KCNQ1: variants seen among roughly 807,000 people sequenced by gnomAD.
The protein encoded by KCNQ1 is potassium voltage-gated channel subfamily KQT member 1.
Under a neutral mutation model 72.4 loss-of-function variants are expected in KCNQ1, and 49 were observed. The observed-to-expected ratio is 0.68, with a 90% CI of 0.54 to 0.86. KCNQ1 has a LOEUF of 0.86. Among genes scored for constraint, KCNQ1 ranks in the 40% least tolerant of loss-of-function variants. KCNQ1 has a pLI of 0.00. For missense variants in KCNQ1, 790 were observed against 945.1 expected (o/e 0.84, Z 2.15); for synonymous variants, 450 against 412.6 (o/e 1.09, Z -1.10).
intron 2 of KCNQ1, among the ~76,000 whole-genome samples, chr11:2,568,539 C>T (rs1050500344): frequency 2.2e-4 from 34 of 152,322 alleles, no homozygotes; most frequent in African/African-American, 6.7e-4. Flanking sequence ...TGTCCAGGCC[C>T]GGTCTCCCTA....
Position 2,768,615 on chromosome 11 carries a change from C to A in KCNQ1, c.1515-229C>A, listed in dbSNP as rs138704705. Among the ~76,000 whole-genome samples, 12 of 152,320 alleles carry A rather than the reference C, an allele frequency of 7.9e-5. No individual in the cohort carries two copies. Among genetic ancestry groups the A allele is most frequent in the African/African-American group, 2.9e-4 (12 of 41,562 alleles). On this transcript the variant is annotated intron_variant, in intron 11 of 15. Transcript: ENST00000155840. The surrounding 1 kb of genome is among the most constrained non-coding windows in gnomAD (Gnocchi z 6.7). The stretch of plus-strand genomic sequence containing the variant: ...TGACACTCAAGGTAAGGGTCCCCTT[C>A]CCACTCACAGATGAGGTGAAACATT...
chr11:2,733,599 C>G (rs1433021329), intron 11 of KCNQ1, among the ~76,000 whole-genome samples: 1 of 151,994 alleles, frequency 6.6e-6, no homozygotes, highest in East Asian at 1.9e-4. Flanking sequence ...CCTAGGGAGA[C>G]AGTCGGGCAC....
In KCNQ1 at chr11:2,446,024, G is replaced by C. The variant is rs1333177986; in HGVS notation, c.386+540G>C. 6.7e-6 allele frequency among the ~76,000 whole-genome samples: 1 copy of C among 149,596 alleles called. No homozygotes were observed. The highest frequency in any genetic ancestry group is 1.5e-5 in the Non-Finnish European group (1 of 67,998). ...CAGCATGCCACGGGCCGTCCCCACG[G>C]GCCCCACATTAACTAATTGAACCAA... On this transcript the variant is annotated intron_variant, in intron 1 of 15. Transcript: ENST00000155840. The surrounding 1 kb of genome is among the most constrained non-coding windows in gnomAD (Gnocchi z 8.8).
In KCNQ1 at chr11:2,670,231, G is replaced by T; in HGVS notation, c.1514+8150G>T. The T allele has an allele frequency of 2.5e-6, 1 of 398,560 alleles. No individual in the cohort carries two copies. The highest frequency in any genetic ancestry group is 1.3e-4 in the South Asian group (1 of 7,820). The allele number at this position is 398,560 out of a possible 1,614,324, so 24.7% of individuals were successfully genotyped here. On this transcript the variant is annotated intron_variant, in intron 11 of 15. Transcript: ENST00000155840. This position sits in a 1 kb window ranked among gnomAD's most constrained non-coding sequence, Gnocchi z 4.9. Reference sequence around the variant, plus strand: ...CGAGCTGTGTAGCTCACCTGCCTTTGACCCTGCACATGACGGGCGAGGGAA... The same window carrying T: ...CGAGCTGTGTAGCTCACCTGCCTTTTACCCTGCACATGACGGGCGAGGGAA...
intron 1 of KCNQ1, among the ~76,000 whole-genome samples, chr11:2,506,308 C>A (rs1212890220): frequency 2.6e-5 from 4 of 152,160 alleles, no homozygotes; most frequent in Non-Finnish European, 5.9e-5. Context: ...AAAGACTATA[C>A]GTGAACTTTT....
rs1386849278 is a variant in KCNQ1, at chr11:2,642,258, TG to T, written c.1394-19702del. ...ATTCTCCCAATCCATGAGAATGGGA[TG>T]TTTTTTGTGTGTTCTTTTCAATTTC... is the stretch of plus-strand genomic sequence containing the variant. On this transcript the variant is annotated intron_variant, in intron 10 of 15. Coordinates refer to ENST00000155840, the MANE Select transcript of KCNQ1 (RefSeq NM_000218.3). This position sits in a 1 kb window ranked among gnomAD's most constrained non-coding sequence, Gnocchi z 4.3. 5.0e-6 allele frequency: 2 copies of T among 398,282 alleles called. No individual in the cohort carries two copies. The highest frequency in any genetic ancestry group is 1.3e-4 in the South Asian group (1 of 7,864). The allele number at this position is 398,282 out of a possible 1,614,324, so 24.7% of individuals were successfully genotyped here. A position where few individuals can be genotyped will look rare whatever the true frequency, so the allele number is the denominator to read the frequency against.
chr11:2,458,366 A>G lies in KCNQ1; in HGVS notation c.386+12882A>G, dbSNP rs1372605295. On this transcript the variant is annotated intron_variant, in intron 1 of 15. Coordinates refer to ENST00000155840, the MANE Select transcript of KCNQ1 (RefSeq NM_000218.3). The surrounding 1 kb of genome is among the most constrained non-coding windows in gnomAD (Gnocchi z 4.6). ...CCGCTCATGATGTTGAATCCTGGCA[A>G]GCAAACGGAGAGAATCTGACATGTG... Among the ~76,000 whole-genome samples the G allele has an allele frequency of 6.6e-6, 1 of 152,232 alleles. No homozygotes were observed. The highest frequency in any genetic ancestry group is 1.5e-5 in the Non-Finnish European group (1 of 68,046).
intron 15 of KCNQ1, among the ~76,000 whole-genome samples, chr11:2,779,996 C>A (rs1197092393): frequency 6.6e-6 from 1 of 152,246 alleles, no homozygotes; most frequent in Non-Finnish European, 1.5e-5. Context: ...TGAGCCGGGG[C>A]CACGAGGATT....
chr11:2,635,803 C>T (rs1255137019), intron 10 of KCNQ1: 1 of 152,086 alleles, frequency 6.6e-6, no homozygotes, highest in Non-Finnish European at 1.5e-5. Flanking sequence ...TACTGATTCT[C>T]CCTATCCATG....
In KCNQ1 at chr11:2,463,976, T is replaced by C. The variant is rs1846315867; in HGVS notation, c.386+18492T>C. On this transcript the variant is annotated intron_variant, in intron 1 of 15. Transcript: ENST00000155840. The surrounding 1 kb of genome is among the most constrained non-coding windows in gnomAD (Gnocchi z 7.0). ...CTCACTGTCGGCAGTTGGGTCTGGT[T>C]TGATAACCGTGGACCGGGGTGACAG... Among the ~76,000 whole-genome samples, 2 of 152,170 alleles carry C rather than the reference T, an allele frequency of 1.3e-5. No individual in the cohort carries two copies. Among genetic ancestry groups the C allele is most frequent in the Admixed American group, 1.3e-4 (2 of 15,284 alleles).
rs1846454806 is a variant in KCNQ1, at chr11:2,764,078, T to C, written c.1515-4766T>C. Among the ~76,000 whole-genome samples, 1 of 152,188 alleles carries C rather than the reference T, an allele frequency of 6.6e-6. No homozygotes were observed. Among genetic ancestry groups the C allele is most frequent in the East Asian group, 1.9e-4 (1 of 5,194 alleles). On this transcript the variant is annotated intron_variant, in intron 11 of 15. Transcript: ENST00000155840. The surrounding 1 kb of genome is among the most constrained non-coding windows in gnomAD (Gnocchi z 4.8). The stretch of plus-strand genomic sequence containing the variant: ...ATACCAGCTGGGACTTTCTGGACAA[T>C]GTGAAATAGAAACGATAACATCCTT...
In KCNQ1 at chr11:2,691,404, T is replaced by TGG. The variant is rs1321029592; in HGVS notation, c.1514+29324_1514+29325insGG. On this transcript the variant is annotated intron_variant, in intron 11 of 15. Coordinates refer to ENST00000155840, the MANE Select transcript of KCNQ1 (RefSeq NM_000218.3). The surrounding 1 kb of genome is among the most constrained non-coding windows in gnomAD (Gnocchi z 6.4). ...GGTCTGGGCATAGAAGCCCAGGAACTGCTGTCTGTGGGGAGTCCACTGAAG... is the reference window on the plus strand; with the variant it reads ...GGTCTGGGCATAGAAGCCCAGGAACTGGGCTGTCTGTGGGGAGTCCACTGAAG... 7.5e-6 allele frequency: 3 copies of TGG among 398,542 alleles called. No individual in the cohort carries two copies. The highest frequency in any genetic ancestry group is 1.3e-5 in the Non-Finnish European group (3 of 226,084). The allele number at this position is 398,542 out of a possible 1,614,324, so 24.7% of individuals were successfully genotyped here. A position where few individuals can be genotyped will look rare whatever the true frequency, so the allele number is the denominator to read the frequency against.
Position 2,445,115 on chromosome 11 carries a change from C to G in KCNQ1, c.17C>G (p.Ser6Cys). The stretch of plus-strand genomic sequence containing the variant: ...CTCCTCGTTATGGCCGCGGCCTCCT[C>G]CCCGCCCAGGGCCGAGAGGAAGCGC... MAAASSPPRAERKRWG... is the reference protein window; with the variant it reads MAAASCPPRAERKRWG... Residue 6 changes from serine to cysteine, a missense_variant, in exon 1 of 16, where the codon TCC becomes TGC. By Grantham distance (112) the Ser-to-Cys change is moderately radical. Coordinates refer to ENST00000155840, the MANE Select transcript of KCNQ1 (RefSeq NM_000218.3). The G allele has an allele frequency of 9.1e-7, 1 of 1,098,870 alleles. No individual in the cohort carries two copies. Among genetic ancestry groups the G allele is most frequent in the Non-Finnish European group, 1.1e-6 (1 of 901,230 alleles). 68.1% of individuals were successfully genotyped at this position (1,098,870 alleles called of 1,614,324 possible). A position where few individuals can be genotyped will look rare whatever the true frequency, so the allele number is the denominator to read the frequency against.
In KCNQ1 at chr11:2,575,997, G is replaced by A. The variant is rs556793174; in HGVS notation, c.921+3011G>A. ...CTCCAGGCGTGCCCGGTGTGCGGCC[G>A]CCTCTTTCCTCTGTGTCAGGCCCTG... On this transcript the variant is annotated intron_variant, in intron 6 of 15. Transcript: ENST00000155840. Among the ~76,000 whole-genome samples the A allele has an allele frequency of 7.2e-5, 11 of 152,320 alleles. 1 individual carries two copies. The highest frequency in any genetic ancestry group is 6.2e-4 in the South Asian group (3 of 4,834).
intron 1 of KCNQ1, among the ~76,000 whole-genome samples, chr11:2,503,175 G>A (rs1253104374): frequency 1.3e-5 from 2 of 152,156 alleles, no homozygotes; most frequent in African/African-American, 4.8e-5. Flanking sequence ...AGCAAAAATG[G>A]ACAAATGGGA....
chr11:2,629,601 T>C (rs967918656), intron 10 of KCNQ1: 2 of 398,416 alleles, frequency 5.0e-6, no homozygotes, highest in Non-Finnish European at 8.8e-6. Context: ...CATTTGCCAT[T>C]GAATGGACAT....
rs1488435925 is a variant in KCNQ1 at position 2,464,891 on chromosome 11, C to T, written c.386+19407C>T. Among the ~76,000 whole-genome samples the T allele has an allele frequency of 6.6e-6, 1 of 152,198 alleles. No individual in the cohort carries two copies. Among genetic ancestry groups the T allele is most frequent in the African/African-American group, 2.4e-5 (1 of 41,450 alleles). ...CCTGTGTGTTAAGGTAGTTCAAAGTCCTCCTGCCCGAGGAAGTAAGACAGC... is the reference window on the plus strand; with the variant it reads ...CCTGTGTGTTAAGGTAGTTCAAAGTTCTCCTGCCCGAGGAAGTAAGACAGC... On this transcript the variant is annotated intron_variant, in intron 1 of 15. Transcript: ENST00000155840. The surrounding 1 kb of genome is among the most constrained non-coding windows in gnomAD (Gnocchi z 5.0).
intron 11 of KCNQ1, among the ~76,000 whole-genome samples, chr11:2,747,779 G>T (rs1043133830): frequency 5.3e-5 from 8 of 152,090 alleles, no homozygotes; most frequent in African/African-American, 1.2e-4. Flanking sequence ...GGGGTCATGG[G>T]GGCAGGTTCC....
chr11:2,697,791 G>A lies in KCNQ1; in HGVS notation c.1514+35710G>A, dbSNP rs140573991. ...AGCTAGCATTGTACAAGGAACTTCT[G>A]CATCTACATTCATAAGGGAAATTCT... On this transcript the variant is annotated intron_variant, in intron 11 of 15. Coordinates refer to ENST00000155840, the MANE Select transcript of KCNQ1 (RefSeq NM_000218.3). 10 of 398,594 alleles carry A rather than the reference G, an allele frequency of 2.5e-5. No individual in the cohort carries two copies. In the East Asian group the frequency reaches 3.2e-4, roughly 13 times the overall value. 24.7% of individuals were successfully genotyped at this position (398,594 alleles called of 1,614,324 possible).
Sources: allele counts gnomAD v4.1 joint callset (sites outside exome capture counted in the v4.1 genomes callset), GRCh38; gene constraint gnomAD v4.1.1; non-coding constraint Gnocchi (gnomAD v3.1); transcripts MANE v1.5; gene names NCBI Gene and HGNC (gene_info 2026-07-23, HGNC 2026-07-21).